KLHL2: variants seen among roughly 807,000 people sequenced by gnomAD.
KLHL2 encodes the protein kelch like family member 2.
Under a neutral mutation model 75.8 loss-of-function variants are expected in KLHL2, and 15 were observed. The ratio of observed to expected loss-of-function variants is 0.20; its 90% confidence interval spans 0.13 to 0.30. KLHL2 has a LOEUF of 0.30. Among genes scored for constraint, KLHL2 ranks in the 10% least tolerant of loss-of-function variants. The probability of loss-of-function intolerance (pLI) is 1.00; values close to 1 mark genes in which losing one functional copy is unlikely to be tolerated. For missense variants in KLHL2, 381 were observed against 741.0 expected, an observed-to-expected ratio of 0.51 and a Z score of 5.64; for synonymous variants, 214 against 251.9, an observed-to-expected ratio of 0.85 and a Z score of 1.42.
chr4:165,229,815 C>T (rs1288462462), intron 3 of KLHL2, among the ~76,000 whole-genome samples: 2 of 152,208 alleles, frequency 1.3e-5, no homozygotes, highest in Admixed American at 6.5e-5. Flanking sequence ...TTTCCCCAGA[C>T]CTGATGGATT....
chr4:165,258,771 T>A (rs550160545), intron 4 of KLHL2, among the ~76,000 whole-genome samples: 1 of 152,238 alleles, frequency 6.6e-6, no homozygotes, highest in African/African-American at 2.4e-5. Flanking sequence ...GGGATTATGA[T>A]AGCTCCAGAT....
At chr4:165,277,274 T>A (rs1282703588) in intron 5 of KLHL2, among the ~76,000 whole-genome samples, 2 of 152,018 alleles carry the variant, frequency 1.3e-5, no homozygotes, top group Admixed American at 6.6e-5. Flanking sequence ...AAAGGAAAGA[T>A]GGAAGAAAAA....
intron 6 of KLHL2, among the ~76,000 whole-genome samples, chr4:165,294,787 C>CT (rs1744790304): frequency 6.6e-6 from 1 of 152,094 alleles, no homozygotes; most frequent in African/African-American, 2.4e-5. Context: ...GAAACAAATG[C>CT]TTTTTTGGAA....
At chr4:165,300,496 A>G (rs189754382) in intron 8 of KLHL2, among the ~76,000 whole-genome samples, 2 of 151,806 alleles carry the variant, frequency 1.3e-5, no homozygotes, top group Non-Finnish European at 2.9e-5. Context: ...ATACATTCCC[A>G]TGTCTTCCCG....
chr4:165,254,957 T>A (rs1168054208), intron 4 of KLHL2, among the ~76,000 whole-genome samples: 1 of 152,226 alleles, frequency 6.6e-6, no homozygotes. Flanking sequence ...AAAAAAGCGC[T>A]GAGTCAGAGC....
intron 1 of KLHL2, chr4:165,210,210 G>A: frequency 6.5e-7 from 1 of 1,545,206 alleles, no homozygotes; most frequent in Non-Finnish European, 8.8e-7. Context: ...TTCATTCAAT[G>A]TGCAAATATT....
Position 165,235,712 on chromosome 4 carries a change from C to A in KLHL2, c.260-3066C>A, listed in dbSNP as rs565367878. ...TGACAGAGTGGATTTGCATGAGGTACCCAACTGTACCTAATCCAGCCATGG... is the reference window on the plus strand; with the variant it reads ...TGACAGAGTGGATTTGCATGAGGTAACCAACTGTACCTAATCCAGCCATGG... On this transcript the variant is annotated intron_variant, in intron 3 of 14. Transcript: ENST00000226725. Among the ~76,000 whole-genome samples, 17 of 151,838 alleles carry A rather than the reference C, an allele frequency of 1.1e-4. No individual in the cohort carries two copies. In the South Asian group the frequency reaches 3.1e-3, roughly 28 times the overall value.
At chr4:165,317,227 A>T in intron 13 of KLHL2, among the ~76,000 whole-genome samples, 1 of 152,036 alleles carries the variant, frequency 6.6e-6, no homozygotes, top group Non-Finnish European at 1.5e-5. Context: ...AAAAAAAAAA[A>T]TGAGGGTCAA....
At chr4:165,236,204 C>T (rs2111082964) in intron 3 of KLHL2, among the ~76,000 whole-genome samples, 1 of 152,266 alleles carries the variant, frequency 6.6e-6, no homozygotes, top group East Asian at 1.9e-4. Context: ...ATGACTCTCA[C>T]TGAGGTTTTT....
intron 5 of KLHL2, among the ~76,000 whole-genome samples, chr4:165,280,084 C>G (rs1011627290): frequency 2.0e-5 from 3 of 152,286 alleles, no homozygotes; most frequent in East Asian, 1.9e-4. Context: ...TTCTCATTCT[C>G]TTGTATTTCT....
chr4:165,300,211 C>T (rs1579156839), intron 8 of KLHL2, among the ~76,000 whole-genome samples: 1 of 151,786 alleles, frequency 6.6e-6, no homozygotes, highest in African/African-American at 2.4e-5. Context: ...TCACCTGAAC[C>T]CAGGAGGCGG....
chr4:165,245,137 G>T (rs997040822), intron 4 of KLHL2, among the ~76,000 whole-genome samples: 2 of 152,144 alleles, frequency 1.3e-5, no homozygotes, highest in African/African-American at 4.8e-5. Flanking sequence ...GAACCCGGGA[G>T]GTGGAGGTTG....
intron 3 of KLHL2, among the ~76,000 whole-genome samples, chr4:165,232,927 A>G (rs1422045976): frequency 2.3e-5 from 3 of 132,648 alleles, no homozygotes; most frequent in Non-Finnish European, 4.6e-5. Context: ...GGTGAGGTTA[A>G]CAAGTAGACC....
chr4:165,234,761 T>A (rs141312254), intron 3 of KLHL2, among the ~76,000 whole-genome samples: 9 of 151,360 alleles, frequency 5.9e-5, no homozygotes, highest in African/African-American at 9.7e-5. Context: ...ACTATAGGCA[T>A]GCGAGATGGA....
At chr4:165,321,475 TACATA>T (rs1746971002) in intron 14 of KLHL2, 1 of 340,190 alleles carries the variant, frequency 2.9e-6, no homozygotes, top group African/African-American at 2.2e-5. Context: ...TGTTATGACA[TACATA>T]ACATATATTA....
chr4:165,212,380 A>G (rs1376753348), intron 1 of KLHL2, among the ~76,000 whole-genome samples: 3 of 152,200 alleles, frequency 2.0e-5, no homozygotes, highest in Non-Finnish European at 4.4e-5. Flanking sequence ...GGGAGAGAGA[A>G]TAGCAAGCAC....
intron 14 of KLHL2, among the ~76,000 whole-genome samples, chr4:165,318,746 GTGTA>G (rs1441984822): frequency 6.6e-6 from 1 of 152,166 alleles, no homozygotes; most frequent in African/African-American, 2.4e-5. Context: ...GGTTTGAACT[GTGTA>G]TGTCCACTTA....
At chr4:165,213,253 G>A (rs35247836) in intron 1 of KLHL2, among the ~76,000 whole-genome samples, 546 of 123,868 alleles carry the variant, frequency 4.4e-3, no homozygotes, top group East Asian at 7.9e-3. Context: ...ATTGAGCTCT[G>A]TGTATTCTCT....
Position 165,319,547 on chromosome 4 carries a change from A to G in KLHL2, c.1753+1578A>G, listed in dbSNP as rs2126593303. On this transcript the variant is annotated intron_variant, in intron 14 of 14. Transcript: ENST00000226725. The surrounding 1 kb of genome is among the most constrained non-coding windows in gnomAD (Gnocchi z 4.5). ...ATGAAGCCGTCCCTGCAGCCATCCC[A>G]GCAGTTTTGAAAACTTCACACTTTT... is the stretch of plus-strand genomic sequence containing the variant. Among the ~76,000 whole-genome samples, 1 of 152,356 alleles carries G rather than the reference A, an allele frequency of 6.6e-6. No homozygotes were observed. The highest frequency in any genetic ancestry group is 2.1e-4 in the South Asian group (1 of 4,828).
Sources: gnomAD v4.1 joint callset for allele counts (sites outside exome capture counted in the v4.1 genomes callset) on GRCh38, gnomAD v4.1.1 for gene constraint, Gnocchi (gnomAD v3.1) non-coding constraint, MANE v1.5 for transcripts, NCBI Gene and HGNC (gene_info 2026-07-23, HGNC 2026-07-21) for gene names.